The following CDK14 variants were observed in gnomAD, a reference collection of about 807,000 sequenced individuals.
CDK14 encodes the protein cyclin dependent kinase 14, also known as cyclin-dependent kinase 14.
A neutral mutation model predicts 60.7 loss-of-function variants in CDK14; 34 were observed. The observed-to-expected ratio is 0.56, with a 90% CI of 0.43 to 0.75. CDK14 has a LOEUF of 0.75. CDK14 is among the 30% of genes least tolerant of loss of function. The probability of loss-of-function intolerance (pLI) is 0.00; values close to 1 mark genes in which losing one functional copy is unlikely to be tolerated. For synonymous variants in CDK14, 197 were observed against 203.7 expected (o/e 0.97, Z 0.28); for missense variants, 482 against 564.1 (o/e 0.85, Z 1.47).
At chr7:90,978,664 G>A (rs141715587) in intron 9 of CDK14, among the ~76,000 whole-genome samples, 2 of 152,114 alleles carry the variant, frequency 1.3e-5, no homozygotes, top group East Asian at 3.9e-4. Flanking sequence ...GAAAAAGTTA[G>A]ATAGCACCTT....
chr7:90,849,521 G>A lies in CDK14; in HGVS notation c.545-13654G>A, dbSNP rs17163291. Among the ~76,000 whole-genome samples the A allele has an allele frequency of 6.2e-4, 94 of 151,902 alleles. 1 individual carries two copies. The highest frequency in any genetic ancestry group is 2.1e-3 in the African/African-American group (87 of 41,242). ...CATGACATTCAAACATTAATTTAGG[G>A]ACCACAAACTTAGAGGTCCAGCAAT... On this transcript the variant is annotated intron_variant, in intron 5 of 14. Transcript: ENST00000380050.
intron 4 of CDK14, among the ~76,000 whole-genome samples, chr7:90,771,468 ATGAG>A (rs1461735948): frequency 6.6e-6 from 1 of 152,230 alleles, no homozygotes; most frequent in Non-Finnish European, 1.5e-5. Flanking sequence ...ACACTGGAGA[ATGAG>A]TAAGTCAGAG....
intron 9 of CDK14, among the ~76,000 whole-genome samples, chr7:90,982,766 G>C (rs923245210): frequency 6.6e-6 from 1 of 152,000 alleles, no homozygotes; most frequent in Non-Finnish European, 1.5e-5. Context: ...AGTTCTTTCA[G>C]GGCAGTAGAT....
intron 10 of CDK14, among the ~76,000 whole-genome samples, chr7:90,995,649 A>G (rs1000900406): frequency 6.6e-6 from 1 of 152,238 alleles, no homozygotes; most frequent in African/African-American, 2.4e-5. Context: ...TGGAGATCAT[A>G]TGAACTTCCC....
chr7:90,680,997 A>G (rs1351138077), intron 2 of CDK14, among the ~76,000 whole-genome samples: 1 of 152,236 alleles, frequency 6.6e-6, no homozygotes, highest in Non-Finnish European at 1.5e-5. Context: ...GTAAAGAGAC[A>G]GATAGTACAT....
chr7:90,919,562 G>T (rs962705898), intron 8 of CDK14, among the ~76,000 whole-genome samples: 1 of 152,032 alleles, frequency 6.6e-6, no homozygotes, highest in Non-Finnish European at 1.5e-5. Flanking sequence ...CATTTTTCTC[G>T]TTTGTTTTCC....
chr7:90,827,316 G>A (rs1789759815), intron 5 of CDK14, among the ~76,000 whole-genome samples: 1 of 152,098 alleles, frequency 6.6e-6, no homozygotes, highest in Admixed American at 6.5e-5. Flanking sequence ...ATATTCTATT[G>A]TATGGATGTA....
intron 12 of CDK14, among the ~76,000 whole-genome samples, chr7:91,086,283 A>G (rs1459855568): frequency 6.6e-6 from 1 of 152,198 alleles, no homozygotes; most frequent in Non-Finnish European, 1.5e-5. Flanking sequence ...AATAGTGGAA[A>G]TATCAAAGAA....
chr7:90,835,575 G>GTAAA (rs1462065002), intron 5 of CDK14, among the ~76,000 whole-genome samples: 1 of 152,114 alleles, frequency 6.6e-6, no homozygotes, highest in Non-Finnish European at 1.5e-5. Flanking sequence ...GAAGTGCTAG[G>GTAAA]TAAATGTGAC....
At chr7:90,656,209 G>A (rs571319054) in intron 2 of CDK14, among the ~76,000 whole-genome samples, 9 of 152,068 alleles carry the variant, frequency 5.9e-5, no homozygotes, top group Middle Eastern at 3.4e-3. Context: ...TATCTTGAAC[G>A]TGAAAGCATT....
chr7:90,655,293 A>T (rs1800728929), intron 2 of CDK14, among the ~76,000 whole-genome samples: 1 of 152,156 alleles, frequency 6.6e-6, no homozygotes. Flanking sequence ...AGTTTTGGCA[A>T]TTATGAATAA....
At chr7:90,800,544 A>G (rs1347438375) in intron 5 of CDK14, among the ~76,000 whole-genome samples, 1 of 152,008 alleles carries the variant, frequency 6.6e-6, no homozygotes, top group African/African-American at 2.4e-5. Flanking sequence ...TTCTTTTTTA[A>G]TGTTATAGCC....
At chr7:91,158,126 A>G (rs925614286) in intron 14 of CDK14, among the ~76,000 whole-genome samples, 1 of 148,060 alleles carries the variant, frequency 6.8e-6, no homozygotes, top group Non-Finnish European at 1.5e-5. Context: ...AACAGTATAT[A>G]TACATTATAT....
At chr7:90,811,830 A>G (rs188851436) in intron 5 of CDK14, among the ~76,000 whole-genome samples, 9 of 152,366 alleles carry the variant, frequency 5.9e-5, no homozygotes, top group Admixed American at 5.9e-4. Flanking sequence ...ACTTCTCAAA[A>G]GAAGACTTTT....
At chr7:91,023,868 G>A (rs62468495) in intron 10 of CDK14, among the ~76,000 whole-genome samples, 4,226 of 152,216 alleles carry the variant, frequency 0.028, 87 homozygotes, top group South Asian at 0.07. Context: ...CGCCTCCTGG[G>A]TTCAGGCAAT....
chr7:90,625,507 T>C (rs140218570), intron 2 of CDK14, among the ~76,000 whole-genome samples: 99 of 152,376 alleles, frequency 6.5e-4, no homozygotes, highest in African/African-American at 2.3e-3. Context: ...TTGCATCACA[T>C]TTAATTTGTG....
chr7:90,984,984 G>T (rs1030260024), intron 10 of CDK14, among the ~76,000 whole-genome samples: 1 of 152,122 alleles, frequency 6.6e-6, no homozygotes, highest in Admixed American at 6.5e-5. Context: ...TCTCCTGGAT[G>T]AAATACTAGA....
Position 91,063,306 on chromosome 7 carries a change from C to G in CDK14, c.1106-16126C>G, listed in dbSNP as rs190113731. Among the ~76,000 whole-genome samples the G allele has an allele frequency of 6.9e-4, 105 of 152,240 alleles. 1 individual carries two copies. Among genetic ancestry groups the G allele is most frequent in the African/African-American group, 2.3e-3 (96 of 41,544 alleles). On this transcript the variant is annotated intron_variant, in intron 11 of 14. Transcript: ENST00000380050. ...TATATAGGAGAAAGAAAAAAAACTT[C>G]GTTTCCAATACTTAAGATGGAAGCA...
At chr7:90,908,302 T>G (rs948769434) in intron 7 of CDK14, among the ~76,000 whole-genome samples, 1 of 152,170 alleles carries the variant, frequency 6.6e-6, no homozygotes, top group Non-Finnish European at 1.5e-5. Flanking sequence ...TTAGAACATG[T>G]CTTTTGCATC....
Sources: allele counts gnomAD v4.1 joint callset (sites outside exome capture counted in the v4.1 genomes callset), GRCh38; gene constraint gnomAD v4.1.1; transcripts MANE v1.5; gene names NCBI Gene and HGNC (gene_info 2026-07-23, HGNC 2026-07-21).